The following UNC13B variants were observed in gnomAD, a reference collection of about 807,000 sequenced individuals.
UNC13B encodes the protein unc-13 homolog B.
In UNC13B, 144 loss-of-function variants were observed where a neutral mutation model predicts 211.0. That is an observed-to-expected ratio of 0.68 (90% CI 0.60 to 0.78). UNC13B has a LOEUF of 0.78. UNC13B is among the 30% of genes least tolerant of loss of function. UNC13B has a pLI of 0.00. For synonymous variants in UNC13B, 709 were observed against 725.8 expected, an observed-to-expected ratio of 0.98 and a Z score of 0.37; for missense variants, 1,777 against 2,002.0, an observed-to-expected ratio of 0.89 and a Z score of 2.14.
intron 1 of UNC13B, among the ~76,000 whole-genome samples, chr9:35,199,008 C>T (rs747063861): frequency 5.9e-5 from 9 of 152,146 alleles, no homozygotes; most frequent in African/African-American, 2.2e-4. Flanking sequence ...TATCCCTCCC[C>T]GCTCCCCCTA....
At chr9:35,285,652 A>C (rs551625437) in intron 7 of UNC13B, among the ~76,000 whole-genome samples, 14 of 152,190 alleles carry the variant, frequency 9.2e-5, no homozygotes, top group African/African-American at 3.4e-4. Flanking sequence ...GCAATGAGCC[A>C]TGATTGTCAC....
At chr9:35,185,897 G>A (rs1369042712) in intron 1 of UNC13B, among the ~76,000 whole-genome samples, 2 of 149,722 alleles carry the variant, frequency 1.3e-5, no homozygotes, top group African/African-American at 2.5e-5. Context: ...CAGCCTGGGC[G>A]ACAGAGCGAG....
At chr9:35,219,824 A>G (rs1437903652) in intron 1 of UNC13B, among the ~76,000 whole-genome samples, 4 of 152,070 alleles carry the variant, frequency 2.6e-5, no homozygotes, top group African/African-American at 9.7e-5. Flanking sequence ...TCTCTTTCCC[A>G]AGCTGTAGTC....
At chr9:35,200,307 T>A (rs890651276) in intron 1 of UNC13B, among the ~76,000 whole-genome samples, 1 of 152,222 alleles carries the variant, frequency 6.6e-6, no homozygotes, top group Non-Finnish European at 1.5e-5. Context: ...TAGGATTGTC[T>A]TGGCAATGCA....
intron 17 of UNC13B, among the ~76,000 whole-genome samples, chr9:35,379,934 G>A (rs1391522351): frequency 6.6e-6 from 1 of 152,154 alleles, no homozygotes; most frequent in East Asian, 1.9e-4. Context: ...AAGCAAACCC[G>A]ATAGACGAGA....
intron 7 of UNC13B, among the ~76,000 whole-genome samples, chr9:35,294,330 G>A (rs1242095063): frequency 2.0e-5 from 3 of 150,040 alleles, no homozygotes; most frequent in Non-Finnish European, 4.4e-5. Flanking sequence ...TTTTTGAGAC[G>A]GAGCCTTGCT....
intron 6 of UNC13B, among the ~76,000 whole-genome samples, chr9:35,253,510 C>T (rs967630271): frequency 6.6e-6 from 1 of 152,066 alleles, no homozygotes; most frequent in African/African-American, 2.4e-5. Flanking sequence ...CATGTGTATA[C>T]CTACCCCTAA....
At chr9:35,298,923 C>T (rs1829534798) in intron 8 of UNC13B, among the ~76,000 whole-genome samples, 1 of 152,076 alleles carries the variant, frequency 6.6e-6, no homozygotes, top group Non-Finnish European at 1.5e-5. Context: ...CTTTAGATTT[C>T]ACAAACAACA....
chr9:35,297,770 C>G (rs561834843), intron 8 of UNC13B, among the ~76,000 whole-genome samples: 9 of 151,604 alleles, frequency 5.9e-5, no homozygotes, highest in Admixed American at 5.3e-4. Context: ...AGGATGGTCT[C>G]GATCTCCTGA....
At chr9:35,219,805 G>T (rs1166676170) in intron 1 of UNC13B, among the ~76,000 whole-genome samples, 1 of 152,014 alleles carries the variant, frequency 6.6e-6, no homozygotes, top group Non-Finnish European at 1.5e-5. Flanking sequence ...TTTCTTTACT[G>T]TCTCAATCTC....
Position 35,378,356 on chromosome 9 carries a change from T to C in UNC13B, c.10125T>C (p.Thr3375=). The C allele has an allele frequency of 1.2e-6, 2 of 1,614,186 alleles. No individual in the cohort carries two copies. Among genetic ancestry groups the C allele is most frequent in the Non-Finnish European group, 1.7e-6 (2 of 1,180,022 alleles). The change falls in exon 17 of 40, where the codon ACT becomes ACC. Residue 3375 remains threonine (T), a synonymous_variant. Transcript: ENST00000635942. Reference sequence around the variant, plus strand: ...CAGGATCCAGTGACCCTTACGTGACTGTGCAAGTCAGCAAAACTAAGAAGC... The same window carrying C: ...CAGGATCCAGTGACCCTTACGTGACCGTGCAAGTCAGCAAAACTAAGAAGC... The part of the protein sequence containing the change: ...DKTGSSDPYV[T]VQVSKTKKRT...
In UNC13B at chr9:35,396,634, G is replaced by A. The variant is rs115018355; in HGVS notation, c.11435+32G>A. ...CATCATGTGGGCACTACAGAGGGAA[G>A]GGAGCCCTCTGGGTGGGCAGGGCTA... On this transcript the variant is annotated intron_variant, in intron 27 of 39. Coordinates refer to ENST00000635942, the MANE Select transcript of UNC13B (RefSeq NM_001371189.2). 2.6e-4 allele frequency: 422 copies of A among 1,612,772 alleles called. 3 individuals carry two copies. The African/African-American group carries it at 4.7e-3, about 18-fold the overall frequency.
chr9:35,187,194 A>G (rs1822408155), intron 1 of UNC13B, among the ~76,000 whole-genome samples: 1 of 152,232 alleles, frequency 6.6e-6, no homozygotes, highest in African/African-American at 2.4e-5. Flanking sequence ...GCCAAGATAT[A>G]GAATCTCCCT....
chr9:35,231,394 A>G (rs1211888134), intron 3 of UNC13B, among the ~76,000 whole-genome samples, 175 bp downstream of exon 3: 1 of 152,228 alleles, frequency 6.6e-6, no homozygotes, highest in African/African-American at 2.4e-5. Context: ...GGTTCATGGT[A>G]CATGAAGCAC....
At chr9:35,205,242 C>T (rs1030701763) in intron 1 of UNC13B, among the ~76,000 whole-genome samples, 1 of 152,052 alleles carries the variant, frequency 6.6e-6, no homozygotes, top group Non-Finnish European at 1.5e-5. Flanking sequence ...AACTGTGAGC[C>T]AATTAAACCT....
chr9:35,393,523 T>C (rs1835673641), intron 26 of UNC13B, among the ~76,000 whole-genome samples: 1 of 149,962 alleles, frequency 6.7e-6, no homozygotes, highest in Admixed American at 6.6e-5. Context: ...TGTGACGGAG[T>C]CAGATCGTGA....
At chr9:35,319,139 A>C (rs1176427861) in intron 11 of UNC13B, among the ~76,000 whole-genome samples, 1 of 152,140 alleles carries the variant, frequency 6.6e-6, no homozygotes, top group Non-Finnish European at 1.5e-5. Flanking sequence ...AACTTCTATT[A>C]ATATTTTAGA....
At chr9:35,184,040 G>T (rs1822182184) in intron 1 of UNC13B, among the ~76,000 whole-genome samples, 1 of 149,040 alleles carries the variant, frequency 6.7e-6, no homozygotes, top group Non-Finnish European at 1.5e-5. Context: ...CGGACGTGGC[G>T]GTCAGGCAGA....
intron 1 of UNC13B, among the ~76,000 whole-genome samples, chr9:35,201,670 T>A (rs1823299887): frequency 6.6e-6 from 1 of 152,236 alleles, no homozygotes. Flanking sequence ...TTCTGTGGGA[T>A]CGGTGGTGAT....
Sources: allele counts gnomAD v4.1 joint callset (sites outside exome capture counted in the v4.1 genomes callset), GRCh38; gene constraint gnomAD v4.1.1; transcripts MANE v1.5; gene names NCBI Gene and HGNC (gene_info 2026-07-23, HGNC 2026-07-21).